NAALADL2: variants seen among roughly 807,000 people sequenced by gnomAD.
NAALADL2 encodes the protein inactive N-acetylated-alpha-linked acidic dipeptidase-like protein 2.
A neutral mutation model predicts 87.2 loss-of-function variants in NAALADL2; 76 were observed. The observed-to-expected ratio is 0.87, with a 90% confidence interval of 0.72 to 1.05. NAALADL2 has a LOEUF of 1.05. NAALADL2 is among the 50% of genes least tolerant of loss of function. The probability of loss-of-function intolerance (pLI) is 0.00; values close to 1 mark genes in which losing one functional copy is unlikely to be tolerated. For synonymous variants in NAALADL2, 354 were observed against 331.0 expected, an observed-to-expected ratio of 1.07 and a Z score of -0.75; for missense variants, 1,089 against 945.8, an observed-to-expected ratio of 1.15 and a Z score of -1.99.
chr3:175,093,099 A>T (rs997641626), intron 1 of NAALADL2, among the ~76,000 whole-genome samples: 1 of 151,858 alleles, frequency 6.6e-6, no homozygotes, highest in Admixed American at 6.6e-5. Context: ...TCTTAAAATA[A>T]CATGACAATA....
intron 3 of NAALADL2, among the ~76,000 whole-genome samples, chr3:174,800,672 G>T (rs1019398418): frequency 1.3e-5 from 2 of 152,146 alleles, no homozygotes; most frequent in African/African-American, 4.8e-5. Context: ...TGGAATGCTA[G>T]ATCCACCAAC....
intron 3 of NAALADL2, among the ~76,000 whole-genome samples, chr3:174,762,469 T>C (rs186509740): frequency 1.8e-3 from 270 of 150,196 alleles, no homozygotes; most frequent in Middle Eastern, 0.017. Context: ...TTAATACTTG[T>C]TACCATGTTC....
In NAALADL2 at chr3:175,600,845, G is replaced by C. The variant is rs1722892905; in HGVS notation, c.1800+24658G>C. On this transcript the variant is annotated intron_variant, in intron 10 of 13. Transcript: ENST00000454872. The stretch of plus-strand genomic sequence containing the variant: ...AGCCACCGCGCCCGGCCGTGTCTTA[G>C]TCTTAATCAAAGTTGAGCCAACTAA... Among the ~76,000 whole-genome samples, 3 of 152,024 alleles carry C rather than the reference G, an allele frequency of 2.0e-5. No homozygotes were observed. The South Asian group carries it at 6.2e-4, about 31-fold the overall frequency.
chr3:174,761,704 G>A (rs985812658), intron 3 of NAALADL2, among the ~76,000 whole-genome samples: 3 of 151,874 alleles, frequency 2.0e-5, no homozygotes, highest in Non-Finnish European at 4.4e-5. Context: ...CCATGTTGGT[G>A]TGCTGTACCC....
chr3:174,667,662 C>T (rs1726102885), intron 2 of NAALADL2, among the ~76,000 whole-genome samples: 1 of 145,722 alleles, frequency 6.9e-6, no homozygotes, highest in African/African-American at 2.5e-5. Flanking sequence ...TGACTGTTAT[C>T]TCTTGAGGCA....
intron 3 of NAALADL2, among the ~76,000 whole-genome samples, chr3:174,768,359 T>C (rs981355016): frequency 1.3e-5 from 2 of 152,166 alleles, no homozygotes; most frequent in Non-Finnish European, 2.9e-5. Flanking sequence ...TTGAGTGAGA[T>C]AGAGCTGGGT....
chr3:175,425,523 T>A (rs1716623308), intron 5 of NAALADL2, among the ~76,000 whole-genome samples: 1 of 152,174 alleles, frequency 6.6e-6, no homozygotes, highest in Non-Finnish European at 1.5e-5. Flanking sequence ...GCCATAAATT[T>A]AGATGTATTT....
chr3:175,136,822 C>G (rs1729185789), intron 2 of NAALADL2, among the ~76,000 whole-genome samples: 1 of 151,936 alleles, frequency 6.6e-6, no homozygotes, highest in East Asian at 1.9e-4. Context: ...TCACAGTGAC[C>G]TTGTGTTTCT....
At chr3:175,400,333 G>A (rs1770405972) in intron 5 of NAALADL2, among the ~76,000 whole-genome samples, 1 of 152,072 alleles carries the variant, frequency 6.6e-6, no homozygotes, top group African/African-American at 2.4e-5. Flanking sequence ...TACTGGCCTT[G>A]TGATCTCTTT....
At chr3:174,466,268 A>G (rs988460983) in intron 1 of NAALADL2, among the ~76,000 whole-genome samples, 19 of 151,372 alleles carry the variant, frequency 1.3e-4, no homozygotes, top group Non-Finnish European at 2.9e-5. Flanking sequence ...TTAAAACATT[A>G]TGAGATTTTT....
intron 1 of NAALADL2, among the ~76,000 whole-genome samples, chr3:174,930,613 A>ATTTTTTTTTTTTT (rs1188907600): frequency 1.0e-5 from 1 of 99,774 alleles, no homozygotes; most frequent in Non-Finnish European, 2.0e-5. Context: ...AATAAGATGA[A>ATTTTTTTTTTTTT]CTTTTTTTTT....
chr3:174,775,901 C>T lies in NAALADL2; in HGVS notation c.-9+38155C>T, dbSNP rs191406405. Among the ~76,000 whole-genome samples the T allele has an allele frequency of 1.2e-3, 188 of 152,230 alleles. 1 individual carries two copies. The highest frequency in any genetic ancestry group is 4.1e-3 in the African/African-American group (169 of 41,548). ...CGTAAAGGGCAATCTGAGTGTTATACGTAACAAATATGGCTAAAATAAGCA... is the reference window on the plus strand; with the variant it reads ...CGTAAAGGGCAATCTGAGTGTTATATGTAACAAATATGGCTAAAATAAGCA... On this transcript the variant is annotated intron_variant, in intron 3 of 3. Transcript: ENST00000434257.
At chr3:175,707,550 T>C (rs1166179524) in intron 11 of NAALADL2, among the ~76,000 whole-genome samples, 1 of 152,042 alleles carries the variant, frequency 6.6e-6, no homozygotes, top group Non-Finnish European at 1.5e-5. Context: ...AAACTAAACA[T>C]AGGAACATCA....
intron 11 of NAALADL2, among the ~76,000 whole-genome samples, chr3:175,629,657 C>T (rs1261270512): frequency 6.6e-6 from 1 of 151,580 alleles, no homozygotes. Context: ...AAATGCTAGG[C>T]TTTTCAATTA....
chr3:174,719,787 G>A (rs1357765314), intron 2 of NAALADL2, among the ~76,000 whole-genome samples: 2 of 152,114 alleles, frequency 1.3e-5, no homozygotes, highest in African/African-American at 2.4e-5. Flanking sequence ...GAATTTGGCA[G>A]TAAACTTATT....
chr3:175,125,038 T>G (rs1726737692), intron 2 of NAALADL2, among the ~76,000 whole-genome samples: 1 of 151,962 alleles, frequency 6.6e-6, no homozygotes, highest in Admixed American at 6.6e-5. Flanking sequence ...TAACACTTTC[T>G]AATGGAACAC....
chr3:175,114,587 C>T (rs575740337), intron 2 of NAALADL2, among the ~76,000 whole-genome samples: 2 of 151,666 alleles, frequency 1.3e-5, no homozygotes, highest in African/African-American at 4.8e-5. Context: ...CCTTATGATA[C>T]TCTGACGAGG....
chr3:174,833,534 C>A (rs1440267373), intron 3 of NAALADL2, among the ~76,000 whole-genome samples: 1 of 152,018 alleles, frequency 6.6e-6, no homozygotes, highest in East Asian at 1.9e-4. Flanking sequence ...AGAGGAAAAA[C>A]TTGCCCACGT....
intron 12 of NAALADL2, among the ~76,000 whole-genome samples, chr3:175,751,774 C>T (rs900557127): frequency 2.0e-5 from 3 of 152,026 alleles, no homozygotes; most frequent in East Asian, 3.9e-4. Context: ...TTTTTAAACC[C>T]GTACTATGAA....
Sources: allele counts gnomAD v4.1 joint callset (sites outside exome capture counted in the v4.1 genomes callset), GRCh38; gene constraint gnomAD v4.1.1; transcripts MANE v1.5; gene names NCBI Gene and HGNC (gene_info 2026-07-23, HGNC 2026-07-21).